Variants in PPFIA2 observed in about 807,000 individuals in gnomAD.
PPFIA2 encodes liprin-alpha-2.
PPFIA2 carries 46 observed loss-of-function variants against 175.5 expected under a neutral mutation model. That is an observed-to-expected ratio of 0.26 (90% confidence interval 0.21 to 0.34). PPFIA2 has a LOEUF of 0.34. Ranked by LOEUF, PPFIA2 falls within the 10% of genes least tolerant of loss-of-function variation. PPFIA2 has a pLI of 1.00. For synonymous variants in PPFIA2, 568 were observed against 511.4 expected (o/e 1.11, Z -1.49); for missense variants, 1,179 against 1,506.1 (o/e 0.78, Z 3.60).
chr12:81,693,119 T>C (rs2075452447), intron 3 of PPFIA2, among the ~76,000 whole-genome samples: 1 of 152,098 alleles, frequency 6.6e-6, no homozygotes, highest in African/African-American at 2.4e-5. Flanking sequence ...CATTTTTACC[T>C]AGTGTTTTGG....
At chr12:81,373,256 T>C (rs934280995) in intron 11 of PPFIA2, among the ~76,000 whole-genome samples, 2 of 151,838 alleles carry the variant, frequency 1.3e-5, no homozygotes, top group Non-Finnish European at 2.9e-5. Flanking sequence ...ATTCAGTAAC[T>C]CATCTAACCC....
At chr12:81,455,192 T>C (rs184006038) in intron 5 of PPFIA2, among the ~76,000 whole-genome samples, 1 of 152,328 alleles carries the variant, frequency 6.6e-6, no homozygotes, top group Non-Finnish European at 1.5e-5. Flanking sequence ...AATGGTTTTA[T>C]TTAGCAACAT....
At chr12:81,571,979 CTGGATCA>C (rs2072635129) in intron 4 of PPFIA2, among the ~76,000 whole-genome samples, 1 of 152,000 alleles carries the variant, frequency 6.6e-6, no homozygotes, top group African/African-American at 2.4e-5. Context: ...AAACCCAATG[CTGGATCA>C]TGTAGTCTTA....
intron 22 of PPFIA2, among the ~76,000 whole-genome samples, chr12:81,321,762 G>T (rs1323822449): frequency 1.3e-5 from 2 of 152,062 alleles, no homozygotes; most frequent in African/African-American, 4.8e-5. Flanking sequence ...TCTATTTATT[G>T]TGCCCTAAAA....
intron 9 of PPFIA2, among the ~76,000 whole-genome samples, chr12:81,378,428 T>G (rs1192595987): frequency 2.0e-5 from 3 of 152,074 alleles, no homozygotes; most frequent in Non-Finnish European, 4.4e-5. Flanking sequence ...AATCTATGAA[T>G]TCAGCAAAAA....
intron 4 of PPFIA2, among the ~76,000 whole-genome samples, chr12:81,642,439 T>C (rs1595905130): frequency 6.6e-6 from 1 of 151,246 alleles, no homozygotes; most frequent in Non-Finnish European, 1.5e-5. Flanking sequence ...ATGTTAATAA[T>C]AATGTTAATA....
intron 7 of PPFIA2, among the ~76,000 whole-genome samples, chr12:81,418,930 T>G (rs1363677839): frequency 6.6e-6 from 1 of 151,992 alleles, no homozygotes; most frequent in Non-Finnish European, 1.5e-5. Context: ...TGTTGGTTAA[T>G]ATTAAAATGG....
At chr12:81,662,724 C>T (rs541697127) in intron 4 of PPFIA2, among the ~76,000 whole-genome samples, 9 of 152,212 alleles carry the variant, frequency 5.9e-5, no homozygotes, top group African/African-American at 2.2e-4. Flanking sequence ...ATCCTGATAC[C>T]AAAGCCTGGC....
At position 81,691,928 on chromosome 12, in the gene PPFIA2, A is replaced by G. The variant is rs113634717; in HGVS notation, c.250-15084T>C. 8.5e-3 allele frequency among the ~76,000 whole-genome samples: 1,289 copies of G among 152,108 alleles called. 13 individuals carry two copies. Among genetic ancestry groups the G allele is most frequent in the Non-Finnish European group, 0.01 (688 of 68,004 alleles). On this transcript the variant is annotated intron_variant, in intron 3 of 32. Transcript: ENST00000549396. Reference sequence around the variant, plus strand: ...TCTAAAATGGTTCCTAGTGATTTCTACCTCCTGGTATTCACACCCTTGTGT... The same window carrying G: ...TCTAAAATGGTTCCTAGTGATTTCTGCCTCCTGGTATTCACACCCTTGTGT...
chr12:81,358,364 C>T (rs1236445921), intron 15 of PPFIA2, 147 bp from the exon 16 acceptor site: 2 of 787,940 alleles, frequency 2.5e-6, no homozygotes, highest in Non-Finnish European at 2.0e-6. Flanking sequence ...TCATGACTCT[C>T]TGAGGCCTCT....
At chr12:81,506,845 A>T (rs143169592) in intron 4 of PPFIA2, among the ~76,000 whole-genome samples, 2 of 152,346 alleles carry the variant, frequency 1.3e-5, no homozygotes, top group African/African-American at 4.8e-5. Context: ...CACAGATAAT[A>T]TGTATACAGC....
At chr12:81,576,737 G>A (rs1159117669) in intron 4 of PPFIA2, among the ~76,000 whole-genome samples, 2 of 151,748 alleles carry the variant, frequency 1.3e-5, no homozygotes, top group Non-Finnish European at 2.9e-5. Flanking sequence ...CTATACCAAA[G>A]ATTTTGAAAA....
chr12:81,432,912 A>G (rs1209359422), intron 7 of PPFIA2, among the ~76,000 whole-genome samples: 1 of 152,244 alleles, frequency 6.6e-6, no homozygotes, highest in East Asian at 1.9e-4. Flanking sequence ...GCATCAAATT[A>G]TGCCAACTTT....
intron 3 of PPFIA2, among the ~76,000 whole-genome samples, chr12:81,709,790 C>T (rs1383747016): frequency 2.0e-5 from 3 of 151,910 alleles, no homozygotes; most frequent in African/African-American, 7.2e-5. Context: ...AGTAGTTTGT[C>T]TCTTATTTTT....
chr12:81,359,329 G>A (rs1360909395), intron 15 of PPFIA2, among the ~76,000 whole-genome samples: 1 of 151,840 alleles, frequency 6.6e-6, no homozygotes, highest in African/African-American at 2.4e-5. Context: ...TGCCAAATGG[G>A]GCATTAGAAC....
intron 3 of PPFIA2, among the ~76,000 whole-genome samples, chr12:81,728,297 A>T (rs2080368648): frequency 6.6e-6 from 1 of 151,540 alleles, no homozygotes; most frequent in South Asian, 2.1e-4. Context: ...TATTTAAAAT[A>T]GTCATGACTT....
rs1239393744 is a variant in PPFIA2, at chr12:81,598,355, C to A, written c.303+78436G>T. The A allele has an allele frequency of 5.4e-6, 6 of 1,119,004 alleles. No individual in the cohort carries two copies. The African/African-American group carries it at 8.3e-5, about 15-fold the overall frequency. 69.3% of individuals were successfully genotyped at this position (1,119,004 alleles called of 1,614,324 possible). A position where few individuals can be genotyped will look rare whatever the true frequency, so the allele number is the denominator to read the frequency against. On this transcript the variant is annotated intron_variant, in intron 4 of 32. Transcript: ENST00000549396. ...GTGCAGAATCTGGCAGTGCTGTGGA[C>A]CTGCCCATCTGTTCTCAGTGATAAT...
chr12:81,460,926 T>A (rs2054419175), intron 4 of PPFIA2, among the ~76,000 whole-genome samples: 3 of 152,026 alleles, frequency 2.0e-5, no homozygotes, highest in African/African-American at 2.4e-5. Flanking sequence ...ACCCAGACAA[T>A]CTAACTCATA....
At chr12:81,715,635 G>T (rs2078510699) in intron 3 of PPFIA2, among the ~76,000 whole-genome samples, 1 of 151,678 alleles carries the variant, frequency 6.6e-6, no homozygotes, top group South Asian at 2.1e-4. Context: ...AAACTTTAAT[G>T]CTTGGGTGAA....
Sources: gnomAD v4.1 joint callset for allele counts (sites outside exome capture counted in the v4.1 genomes callset) on GRCh38, gnomAD v4.1.1 for gene constraint, MANE v1.5 for transcripts, NCBI Gene and HGNC (gene_info 2026-07-23, HGNC 2026-07-21) for gene names.